GHR: variants seen among roughly 807,000 people sequenced by gnomAD.
The protein encoded by GHR is GH receptor.
In GHR, 35 loss-of-function variants were observed where a neutral mutation model predicts 67.1. That is an observed-to-expected ratio of 0.52 (90% CI 0.40 to 0.69). The LOEUF (loss-of-function observed/expected upper bound fraction) is 0.69. GHR is among the 30% of genes least tolerant of loss of function. The probability of loss-of-function intolerance (pLI) is 0.00; values close to 1 mark genes in which losing one functional copy is unlikely to be tolerated. For synonymous variants in GHR, 272 were observed against 269.1 expected (o/e 1.01, Z -0.10); for missense variants, 792 against 764.6 (o/e 1.04, Z -0.42).
rs536797015 is a variant in GHR at position 42,721,691 on chromosome 5, G to A, written c.*2267G>A. 6.5e-6 allele frequency: 1 copy of A among 152,710 alleles called. No homozygotes were observed. Among genetic ancestry groups the A allele is most frequent in the East Asian group, 1.9e-4 (1 of 5,182 alleles). 9.5% of individuals were successfully genotyped at this position (152,710 alleles called of 1,614,324 possible). ...TAAATACCTCAATCAGTCTCAGAAT[G>A]TCATTTTGGTACTTTGGTGGCCACA... On this transcript the variant is annotated 3_prime_UTR_variant, in exon 10 of 10. Coordinates refer to ENST00000230882, the MANE Select transcript of GHR (RefSeq NM_000163.5).
chr5:42,642,261 C>A (rs1355528958), intron 3 of GHR, among the ~76,000 whole-genome samples: 1 of 152,148 alleles, frequency 6.6e-6, no homozygotes, highest in Non-Finnish European at 1.5e-5. Flanking sequence ...AAGATCCGTA[C>A]AATGAATTTC....
Position 42,677,462 on chromosome 5 carries a change from T to A in GHR, c.137-11428T>A, listed in dbSNP as rs543218501. Among the ~76,000 whole-genome samples, 138 of 152,324 alleles carry A rather than the reference T, an allele frequency of 9.1e-4. No homozygotes were observed. In the South Asian group the frequency reaches 0.011, roughly 12 times the overall value. On this transcript the variant is annotated intron_variant, in intron 3 of 9. Transcript: ENST00000230882. ...GACAAAGGCTCTGCTTGGATTTTTT[T>A]AATTTAACACTAATATGTAATAATA...
intron 1 of GHR, among the ~76,000 whole-genome samples, chr5:42,485,676 A>C (rs1329702474): frequency 6.6e-6 from 1 of 152,190 alleles, no homozygotes; most frequent in Non-Finnish European, 1.5e-5. Flanking sequence ...ATACATTAGA[A>C]GTTTCTAAAT....
chr5:42,539,691 A>G (rs1748413735), intron 1 of GHR, among the ~76,000 whole-genome samples: 3 of 151,352 alleles, frequency 2.0e-5, no homozygotes, highest in Admixed American at 6.6e-5. Context: ...ACTGAGGAAC[A>G]CTCTTTTTTT....
chr5:42,708,997 A>G (rs1178776719), intron 6 of GHR, among the ~76,000 whole-genome samples: 2 of 152,224 alleles, frequency 1.3e-5, no homozygotes, highest in African/African-American at 4.8e-5. Flanking sequence ...TCTTGAAGAA[A>G]CAAACAATAT....
At chr5:42,624,983 GT>G (rs779123941) in intron 2 of GHR, among the ~76,000 whole-genome samples, 8 of 152,150 alleles carry the variant, frequency 5.3e-5, no homozygotes, top group Non-Finnish European at 1.2e-4. Flanking sequence ...TTAGGAAAAT[GT>G]TTGCTTTTTG....
chr5:42,582,843 AGCTGGTGCCTGT>A (rs1452439077), intron 2 of GHR, among the ~76,000 whole-genome samples: 2 of 152,168 alleles, frequency 1.3e-5, no homozygotes, highest in African/African-American at 4.8e-5. Context: ...GCTTGCATGG[AGCTGGTGCCTGT>A]GCTGGTGCCT....
intron 1 of GHR, among the ~76,000 whole-genome samples, chr5:42,516,439 A>G (rs1271862017): frequency 6.6e-6 from 1 of 152,172 alleles, no homozygotes; most frequent in African/African-American, 2.4e-5. Flanking sequence ...TGGCTTGGCT[A>G]CTTCCCAGCT....
chr5:42,566,856 G>C (rs1340390178), intron 2 of GHR, among the ~76,000 whole-genome samples: 1 of 152,176 alleles, frequency 6.6e-6, no homozygotes, highest in East Asian at 1.9e-4. Context: ...AGCGCCTTAA[G>C]ATGTCCTCCC....
chr5:42,665,633 T>C (rs1308941882), intron 3 of GHR, among the ~76,000 whole-genome samples: 2 of 151,808 alleles, frequency 1.3e-5, no homozygotes, highest in African/African-American at 4.8e-5. Context: ...CTTTAGGAGA[T>C]ATACCTAATG....
chr5:42,496,120 TCTC>T (rs1746311126), intron 1 of GHR, among the ~76,000 whole-genome samples: 1 of 152,136 alleles, frequency 6.6e-6, no homozygotes, highest in Non-Finnish European at 1.5e-5. Flanking sequence ...ATTCATCTCT[TCTC>T]CTGTCAAGAC....
chr5:42,637,573 C>T (rs528502307), intron 3 of GHR, among the ~76,000 whole-genome samples: 4 of 152,230 alleles, frequency 2.6e-5, no homozygotes, highest in South Asian at 2.1e-4. Context: ...TCTGTTCCTG[C>T]GTTAATTCAC....
chr5:42,641,074 C>G (rs1336982583), intron 3 of GHR, among the ~76,000 whole-genome samples: 2 of 152,002 alleles, frequency 1.3e-5, no homozygotes, highest in Non-Finnish European at 2.9e-5. Context: ...TAGTCATGAT[C>G]AAATAAAATG....
At chr5:42,664,697 G>A (rs1441674974) in intron 3 of GHR, among the ~76,000 whole-genome samples, 1 of 152,192 alleles carries the variant, frequency 6.6e-6, no homozygotes, top group African/African-American at 2.4e-5. Context: ...AGGACTTCAT[G>A]TCTAAAACAC....
At chr5:42,680,409 G>T (rs574308777) in intron 3 of GHR, among the ~76,000 whole-genome samples, 1 of 151,746 alleles carries the variant, frequency 6.6e-6, no homozygotes, top group African/African-American at 2.4e-5. Flanking sequence ...CCACCATAAC[G>T]GGCCAAAAGT....
chr5:42,534,177 T>A (rs992876618), intron 1 of GHR, among the ~76,000 whole-genome samples: 2 of 96,848 alleles, frequency 2.1e-5, no homozygotes, highest in African/African-American at 9.1e-5. Context: ...TATGTATATA[T>A]GTATGTATAT....
chr5:42,514,703 T>A (rs942149838), intron 1 of GHR, among the ~76,000 whole-genome samples: 2 of 152,102 alleles, frequency 1.3e-5, no homozygotes, highest in Non-Finnish European at 2.9e-5. Flanking sequence ...GGGTCTGTAG[T>A]CATTGCAGGG....
chr5:42,468,870 G>C (rs1744868783), intron 1 of GHR: 2 of 863,996 alleles, frequency 2.3e-6, no homozygotes, highest in Admixed American at 2.8e-5. Context: ...CAGGCATGAT[G>C]GTTGCTCGGC....
At chr5:42,612,549 TC>T (rs2112678262) in intron 2 of GHR, among the ~76,000 whole-genome samples, 1 of 152,220 alleles carries the variant, frequency 6.6e-6, no homozygotes, top group East Asian at 1.9e-4. Flanking sequence ...AAATGGGTAG[TC>T]CCTTCACTTG....
Sources: allele counts gnomAD v4.1 joint callset (sites outside exome capture counted in the v4.1 genomes callset), GRCh38; gene constraint gnomAD v4.1.1; transcripts MANE v1.5; gene names NCBI Gene and HGNC (gene_info 2026-07-23, HGNC 2026-07-21).